KLHL32: variants seen among roughly 807,000 people sequenced by gnomAD.
KLHL32 encodes the protein kelch like family member 32.
KLHL32 carries 35 observed loss-of-function variants against 64.8 expected under a neutral mutation model. That is an observed-to-expected ratio of 0.54 (90% CI 0.41 to 0.72). KLHL32 has a LOEUF of 0.72. KLHL32 is among the 30% of genes least tolerant of loss of function. KLHL32 has a pLI of 0.00. For synonymous variants in KLHL32, 259 were observed against 281.0 expected, an observed-to-expected ratio of 0.92 and a Z score of 0.78; for missense variants, 589 against 768.5, an observed-to-expected ratio of 0.77 and a Z score of 2.76.
intron 4 of KLHL32, among the ~76,000 whole-genome samples, chr6:97,043,952 G>A (rs927729931): frequency 4.0e-5 from 6 of 151,640 alleles, no homozygotes; most frequent in Non-Finnish European, 8.8e-5. Flanking sequence ...GCACAAGATT[G>A]CTTTAACTAT....
At chr6:97,011,860 C>T (rs187402045) in intron 3 of KLHL32, among the ~76,000 whole-genome samples, 28 of 152,260 alleles carry the variant, frequency 1.8e-4, no homozygotes, top group Admixed American at 4.6e-4. Context: ...GGTAAACTGG[C>T]GTTTATTAAA....
intron 4 of KLHL32, among the ~76,000 whole-genome samples, chr6:97,064,184 A>T (rs1789349085): frequency 6.6e-6 from 1 of 152,242 alleles, no homozygotes; most frequent in Admixed American, 6.5e-5. Flanking sequence ...TATGGCAAGG[A>T]GAAACATATG....
chr6:96,914,971 A>G, the KLHL32 span: 1 of 152,246 alleles, frequency 6.6e-6, no homozygotes, highest in East Asian at 1.9e-4. Flanking sequence ...AGCTAGGACT[A>G]TAGGCACGGA....
chr6:97,084,986 CTT>C (rs111594320), intron 5 of KLHL32, 138 bp from the exon 6 acceptor site: 65 of 520,492 alleles, frequency 1.2e-4, no homozygotes, highest in South Asian at 2.1e-4. Flanking sequence ...ATTGTGATTT[CTT>C]TTTTTTTTTA....
upstream of KLHL32, among the ~76,000 whole-genome samples, chr6:96,919,747 C>G (rs374318732): frequency 8.6e-5 from 13 of 152,008 alleles, no homozygotes; most frequent in African/African-American, 3.1e-4. Context: ...ATAAACAGTA[C>G]AGAAAGGTAG....
chr6:97,028,937 C>T (rs986282530), intron 3 of KLHL32, among the ~76,000 whole-genome samples: 1 of 152,118 alleles, frequency 6.6e-6, no homozygotes, highest in Non-Finnish European at 1.5e-5. Flanking sequence ...ACAGAACTAC[C>T]AGAGGAATAA....
chr6:97,129,873 ACT>A (rs1375316909), intron 8 of KLHL32, among the ~76,000 whole-genome samples: 1 of 152,174 alleles, frequency 6.6e-6, no homozygotes, highest in Non-Finnish European at 1.5e-5. Flanking sequence ...ACAGAGCAAG[ACT>A]CTGTCTCAAA....
intron 1 of KLHL32, among the ~76,000 whole-genome samples, chr6:96,947,186 T>G (rs1452147053): frequency 6.6e-6 from 1 of 152,142 alleles, no homozygotes; most frequent in African/African-American, 2.4e-5. Flanking sequence ...CTGGGGACTT[T>G]CCACCAATCA....
chr6:97,126,061 A>C (rs1798842506), intron 7 of KLHL32, among the ~76,000 whole-genome samples: 1 of 152,200 alleles, frequency 6.6e-6, no homozygotes, highest in African/African-American at 2.4e-5. Flanking sequence ...GGGAATGTTA[A>C]GGCCCTCTTG....
At chr6:96,911,787 A>G in the KLHL32 span, among the ~76,000 whole-genome samples, 1 of 136,484 alleles carries the variant, frequency 7.3e-6, no homozygotes, top group Non-Finnish European at 1.6e-5. Context: ...CTTCTTTTGA[A>G]ATATTCTTTT....
At position 97,130,983 on chromosome 6, in the gene KLHL32, TA is replaced by T. The variant is rs755881503; in HGVS notation, c.1606+35del. Reference sequence around the variant, plus strand: ...CTTTGATTAAGTAAATCAGGAAAAGTAGATTCAAGAAGTCACCAAACTTGTT... The same window carrying T: ...CTTTGATTAAGTAAATCAGGAAAAGTGATTCAAGAAGTCACCAAACTTGTT... On this transcript the variant is annotated intron_variant, in intron 9 of 10. Transcript: ENST00000369261. 15 of 1,586,638 alleles carry T rather than the reference TA, an allele frequency of 9.5e-6. No individual in the cohort carries two copies. The East Asian group carries it at 3.4e-4, about 36-fold the overall frequency.
At chr6:97,065,896 G>T (rs1253423526) in intron 5 of KLHL32, among the ~76,000 whole-genome samples, 1 of 152,160 alleles carries the variant, frequency 6.6e-6, no homozygotes, top group Non-Finnish European at 1.5e-5. Flanking sequence ...AGGAAGGTCA[G>T]CCATGTTCAC....
chr6:97,073,021 T>C (rs947549878), intron 5 of KLHL32, among the ~76,000 whole-genome samples: 6 of 152,224 alleles, frequency 3.9e-5, no homozygotes, highest in Admixed American at 6.5e-5. Context: ...AGATAGTGCA[T>C]GCAAAGTATC....
At chr6:97,104,484 G>A (rs1432939503) in intron 6 of KLHL32, among the ~76,000 whole-genome samples, 4 of 152,046 alleles carry the variant, frequency 2.6e-5, no homozygotes, top group Non-Finnish European at 5.9e-5. Context: ...AGTTTTAAAG[G>A]AACAATGAAA....
chr6:96,957,749 A>C (rs1773430807), intron 1 of KLHL32, among the ~76,000 whole-genome samples: 2 of 152,198 alleles, frequency 1.3e-5, no homozygotes, highest in Admixed American at 6.5e-5. Context: ...GGAAGAACTT[A>C]CACATTATAT....
chr6:97,019,715 G>C (rs9481200), intron 3 of KLHL32, among the ~76,000 whole-genome samples: 41,196 of 152,016 alleles, frequency 0.27, 7,521 homozygotes, highest in African/African-American at 0.51. Context: ...GCTTTCAACC[G>C]TAATAAAATA....
chr6:97,064,825 G>T, intron 5 of KLHL32, 99 bp downstream of exon 5: 1 of 980,920 alleles, frequency 1.0e-6, no homozygotes. Flanking sequence ...AGGTAAAGTG[G>T]GGGTGGGGTG....
chr6:97,132,555 G>T (rs151284551), intron 9 of KLHL32, 98 bp from the exon 10 acceptor site: 397 of 852,062 alleles, frequency 4.7e-4, no homozygotes, highest in Non-Finnish European at 7.0e-4. Flanking sequence ...ATACAAATGT[G>T]CCACAAAGGA....
intron 3 of KLHL32, among the ~76,000 whole-genome samples, chr6:96,977,143 C>G (rs1311161578): frequency 6.6e-6 from 1 of 152,208 alleles, no homozygotes; most frequent in Non-Finnish European, 1.5e-5. Flanking sequence ...TTGTGATTCA[C>G]ATGGTGAGCA....
Sources: gnomAD v4.1 joint callset for allele counts (sites outside exome capture counted in the v4.1 genomes callset) on GRCh38, gnomAD v4.1.1 for gene constraint, MANE v1.5 for transcripts, NCBI Gene and HGNC (gene_info 2026-07-23, HGNC 2026-07-21) for gene names.